BRINP3: variants seen among roughly 807,000 people sequenced by gnomAD.
BRINP3 encodes the protein BMP/retinoic acid inducible neural specific 3, also known as BMP/retinoic acid-inducible neural-specific protein 3.
A neutral mutation model predicts 71.0 loss-of-function variants in BRINP3; 19 were observed. That is an observed-to-expected ratio of 0.27 (90% CI 0.19 to 0.39). The LOEUF is 0.39. Ranked by LOEUF, BRINP3 falls within the 10% of genes least tolerant of loss-of-function variation. BRINP3 has a pLI of 1.00. For missense variants in BRINP3, 959 were observed against 940.8 expected, an observed-to-expected ratio of 1.02 and a Z score of -0.25; for synonymous variants, 380 against 337.7, an observed-to-expected ratio of 1.13 and a Z score of -1.37.
At chr1:190,313,408 G>C (rs183016432) in intron 2 of BRINP3, among the ~76,000 whole-genome samples, 552 of 152,110 alleles carry the variant, frequency 3.6e-3, no homozygotes, top group Non-Finnish European at 5.7e-3. Flanking sequence ...GGGGCAGGCA[G>C]TATCCTGCAA....
chr1:190,378,137 C>A (rs1029251018), intron 2 of BRINP3, among the ~76,000 whole-genome samples: 1 of 152,020 alleles, frequency 6.6e-6, no homozygotes, highest in Non-Finnish European at 1.5e-5. Flanking sequence ...AAAGTTAAAC[C>A]AAACATGGAA....
chr1:190,205,569 C>G (rs1655424559), intron 6 of BRINP3, among the ~76,000 whole-genome samples: 1 of 152,018 alleles, frequency 6.6e-6, no homozygotes, highest in African/African-American at 2.4e-5. Context: ...GCAGACTACA[C>G]TCATCATTAG....
chr1:190,226,590 T>A (rs959413126), intron 5 of BRINP3, among the ~76,000 whole-genome samples: 1 of 152,008 alleles, frequency 6.6e-6, no homozygotes. Flanking sequence ...ATGTAATTTA[T>A]CACAATATTT....
At chr1:190,265,671 C>T (rs1661598743) in intron 3 of BRINP3, among the ~76,000 whole-genome samples, 1 of 151,170 alleles carries the variant, frequency 6.6e-6, no homozygotes, top group Admixed American at 6.6e-5. Flanking sequence ...CGGAGGTTCC[C>T]GCCACTGCAC....
At chr1:190,218,633 T>C (rs1346071790) in intron 6 of BRINP3, among the ~76,000 whole-genome samples, 3 of 152,058 alleles carry the variant, frequency 2.0e-5, no homozygotes, top group Non-Finnish European at 4.4e-5. Flanking sequence ...GAAACATACA[T>C]TTTATTAACA....
At chr1:190,171,765 G>C (rs557876187) in intron 6 of BRINP3, among the ~76,000 whole-genome samples, 1 of 152,154 alleles carries the variant, frequency 6.6e-6, no homozygotes, top group East Asian at 1.9e-4. Context: ...TGGGAAACCT[G>C]TCAGTTATTT....
intron 2 of BRINP3, among the ~76,000 whole-genome samples, chr1:190,319,983 T>A (rs1666129637): frequency 6.6e-6 from 1 of 152,070 alleles, no homozygotes; most frequent in Non-Finnish European, 1.5e-5. Context: ...ATTCTATAAG[T>A]TTTTTGTTTA....
chr1:190,242,934 T>G (rs1659246336), intron 4 of BRINP3, among the ~76,000 whole-genome samples: 1 of 152,108 alleles, frequency 6.6e-6, no homozygotes, highest in African/African-American at 2.4e-5. Context: ...CAGTGCAGTT[T>G]TCACTTGTGT....
At position 190,277,087 on chromosome 1, in the gene BRINP3, T is replaced by TATATATATATATA. The variant is rs1553276640; in HGVS notation, c.427+4472_427+4473insTATATATATATAT. 4.7e-4 allele frequency among the ~76,000 whole-genome samples: 17 copies of TATATATATATATA among 36,034 alleles called. No homozygotes were observed. In the South Asian group the frequency reaches 5.7e-3, roughly 12 times the overall value. 23.6% of individuals were successfully genotyped at this position (36,034 alleles called of 152,430 possible). A position where few individuals can be genotyped will look rare whatever the true frequency, so the allele number is the denominator to read the frequency against. ...TTTGATCCTGAAATAAATTTTGGTTTTATATATATATATATATATATATAT... is the reference window on the plus strand; with the variant it reads ...TTTGATCCTGAAATAAATTTTGGTTTATATATATATATATATATATATATATATATATATATAT... On this transcript the variant is annotated intron_variant, in intron 3 of 7. Coordinates refer to ENST00000367462, the MANE Select transcript of BRINP3 (RefSeq NM_199051.3).
chr1:190,407,212 C>T (rs1672337699), intron 2 of BRINP3, among the ~76,000 whole-genome samples: 1 of 152,064 alleles, frequency 6.6e-6, no homozygotes, highest in Admixed American at 6.6e-5. Flanking sequence ...CATATATTAG[C>T]CAGATTCCTT....
At chr1:190,286,315 A>T (rs1302222736) in intron 2 of BRINP3, among the ~76,000 whole-genome samples, 1 of 152,184 alleles carries the variant, frequency 6.6e-6, no homozygotes, top group Non-Finnish European at 1.5e-5. Flanking sequence ...TGACATCATC[A>T]AATTTCAGTT....
intron 2 of BRINP3, among the ~76,000 whole-genome samples, chr1:190,308,971 G>C (rs1273764680): frequency 6.6e-6 from 1 of 151,720 alleles, no homozygotes; most frequent in Non-Finnish European, 1.5e-5. Flanking sequence ...TGAAAGCAGG[G>C]TGTCAAATAA....
Position 190,264,894 on chromosome 1 carries a change from G to C in BRINP3, c.589C>G (p.His197Asp). The C allele has an allele frequency of 6.2e-7, 1 of 1,613,536 alleles. No individual in the cohort carries two copies. The highest frequency in any genetic ancestry group is 1.7e-5 in the Admixed American group (1 of 59,896). ...ATGGCAGTGGATGCAATTTGAATGT[G>C]GTGAAGTCTCCGAAGGGTGCTGTCC... ...DRDSTLRRLH[H>D]IQIASTAIKV... is the part of the protein sequence containing the mutation. Residue 197 changes from histidine (H) to aspartate (D), a missense_variant, in exon 4 of 8, where the codon CAC (histidine) becomes GAC (aspartate). Coordinates refer to ENST00000367462, the MANE Select transcript of BRINP3 (RefSeq NM_199051.3).
Position 190,435,427 on chromosome 1 carries a change from A to G in BRINP3, c.236+19228T>C, listed in dbSNP as rs561681218. 9.9e-4 allele frequency among the ~76,000 whole-genome samples: 151 copies of G among 152,046 alleles called. 1 individual carries two copies. The highest frequency in any genetic ancestry group is 1.4e-3 in the Non-Finnish European group (96 of 67,914). Reference sequence around the variant, plus strand: ...GAACTCATTTTTTTTTTTGAGGCAGAGAGAGCTTCTTGAGATTGATAACGT... The same window carrying G: ...GAACTCATTTTTTTTTTTGAGGCAGGGAGAGCTTCTTGAGATTGATAACGT... On this transcript the variant is annotated intron_variant, in intron 2 of 7. Coordinates refer to ENST00000367462, the MANE Select transcript of BRINP3 (RefSeq NM_199051.3).
chr1:190,382,019 T>C (rs1239720941), intron 2 of BRINP3, among the ~76,000 whole-genome samples: 1 of 152,154 alleles, frequency 6.6e-6, no homozygotes, highest in East Asian at 1.9e-4. Context: ...GATACACATA[T>C]TGCATACGAC....
At chr1:190,180,599 C>T (rs912963015) in intron 6 of BRINP3, among the ~76,000 whole-genome samples, 1 of 151,908 alleles carries the variant, frequency 6.6e-6, no homozygotes, top group Admixed American at 6.6e-5. Context: ...AATAAAGTAG[C>T]CACCTAAGAA....
intron 2 of BRINP3, among the ~76,000 whole-genome samples, chr1:190,419,235 A>T (rs1673200842): frequency 2.0e-5 from 3 of 152,072 alleles, no homozygotes; most frequent in Non-Finnish European, 2.9e-5. Context: ...ATTAATCTAA[A>T]AACTGAAGCT....
intron 4 of BRINP3, among the ~76,000 whole-genome samples, chr1:190,258,411 T>C (rs1660868828): frequency 6.6e-6 from 1 of 151,726 alleles, no homozygotes; most frequent in South Asian, 2.1e-4. Context: ...ATTAACTCAT[T>C]GGAAAAATAA....
At chr1:190,399,979 C>T (rs1162096027) in intron 2 of BRINP3, among the ~76,000 whole-genome samples, 1 of 152,016 alleles carries the variant, frequency 6.6e-6, no homozygotes, top group African/African-American at 2.4e-5. Flanking sequence ...CCATCACACT[C>T]TCTATTTTCA....
Sources: gnomAD v4.1 joint callset for allele counts (sites outside exome capture counted in the v4.1 genomes callset) on GRCh38, gnomAD v4.1.1 for gene constraint, MANE v1.5 for transcripts, NCBI Gene and HGNC (gene_info 2026-07-23, HGNC 2026-07-21) for gene names.